Variants in RTTN observed in about 807,000 individuals in gnomAD.
The protein encoded by RTTN is rotatin.
RTTN carries 182 observed loss-of-function variants against 269.2 expected under a neutral mutation model. That is an observed-to-expected ratio of 0.68 (90% confidence interval 0.60 to 0.76). The LOEUF (loss-of-function observed/expected upper bound fraction) is 0.76. RTTN is among the 30% of genes least tolerant of loss of function. The pLI is 0.00. For missense variants in RTTN, 2,545 were observed against 2,608.6 expected, an observed-to-expected ratio of 0.98 and a Z score of 0.53; for synonymous variants, 1,006 against 963.5, an observed-to-expected ratio of 1.04 and a Z score of -0.82.
intron 40 of RTTN, among the ~76,000 whole-genome samples, chr18:70,039,428 C>T (rs976490658): frequency 6.7e-6 from 1 of 149,660 alleles, no homozygotes; most frequent in Non-Finnish European, 1.5e-5. Context: ...AGAAAAACAA[C>T]AAAAAAACTT....
chr18:70,122,278 G>A (rs754910244), intron 25 of RTTN, among the ~76,000 whole-genome samples: 4 of 151,940 alleles, frequency 2.6e-5, no homozygotes, highest in Non-Finnish European at 5.9e-5. Flanking sequence ...ACTGGTTTAA[G>A]AGAGCTAAAA....
intron 15 of RTTN, 117 bp downstream of exon 15, chr18:70,150,491 A>AC (rs2060507918): frequency 1.1e-6 from 1 of 925,350 alleles, no homozygotes; most frequent in East Asian, 2.5e-5. Context: ...CCAATGCACC[A>AC]AAGACAGGTT....
At chr18:70,119,538 C>G (rs538830892) in intron 26 of RTTN, among the ~76,000 whole-genome samples, 1 of 152,022 alleles carries the variant, frequency 6.6e-6, no homozygotes, top group African/African-American at 2.4e-5. Flanking sequence ...AGGAGACTAA[C>G]AACCCAATTG....
chr18:70,152,906 T>G (rs1473760979), intron 14 of RTTN, among the ~76,000 whole-genome samples: 1 of 152,174 alleles, frequency 6.6e-6, no homozygotes, highest in East Asian at 1.9e-4. Flanking sequence ...ATTCATAGCA[T>G]CTCACTGTAC....
At chr18:70,040,674 T>C (rs998975869) in intron 40 of RTTN, among the ~76,000 whole-genome samples, 2 of 152,234 alleles carry the variant, frequency 1.3e-5, no homozygotes, top group Non-Finnish European at 2.9e-5. Flanking sequence ...AGAATACACA[T>C]TCTTCTCCTC....
chr18:70,073,891 A>G lies in RTTN; in HGVS notation c.4653+15T>C. The stretch of plus-strand genomic sequence containing the variant: ...GAGATTCAAAATAAAGGACTTATGC[A>G]TTCTTTGCAAGTACCGTTGTTTCTG... On this transcript the variant is annotated intron_variant, in intron 34 of 48. Coordinates refer to ENST00000640769, the MANE Select transcript of RTTN (RefSeq NM_173630.4). 3 of 1,591,150 alleles carry G rather than the reference A, an allele frequency of 1.9e-6. No individual in the cohort carries two copies. The highest frequency in any genetic ancestry group is 2.6e-6 in the Non-Finnish European group (3 of 1,159,982).
intron 34 of RTTN, 63 bp from the exon 35 acceptor site, chr18:70,065,985 C>A: frequency 7.0e-6 from 8 of 1,140,560 alleles, no homozygotes; most frequent in Non-Finnish European, 8.7e-6. Context: ...ACACAGGCAA[C>A]ATACACACAA....
chr18:70,026,548 G>A (rs1380543285), intron 43 of RTTN, among the ~76,000 whole-genome samples: 5 of 152,152 alleles, frequency 3.3e-5, no homozygotes, highest in South Asian at 2.1e-4. Flanking sequence ...AGAAGCAGAC[G>A]CCACTGTGCT....
At chr18:70,089,227 T>C (rs1233518637) in intron 30 of RTTN, among the ~76,000 whole-genome samples, 1 of 152,164 alleles carries the variant, frequency 6.6e-6, no homozygotes, top group African/African-American at 2.4e-5. Context: ...TGATTACAGT[T>C]AAATGAGGTT....
chr18:70,172,342 G>A (rs1239920789), intron 11 of RTTN, among the ~76,000 whole-genome samples: 1 of 151,978 alleles, frequency 6.6e-6, no homozygotes, highest in Admixed American at 6.6e-5. Flanking sequence ...CTTGGTCAGT[G>A]GCAACTCAAA....
At chr18:70,135,441 A>C (rs1255839013) in intron 21 of RTTN, among the ~76,000 whole-genome samples, 161 bp from the exon 22 acceptor site, 2 of 152,194 alleles carry the variant, frequency 1.3e-5, no homozygotes, top group African/African-American at 2.4e-5. Flanking sequence ...TGGATGTACA[A>C]GAATCACCTG....
chr18:70,172,123 C>T (rs2061158704), intron 11 of RTTN, among the ~76,000 whole-genome samples: 1 of 152,154 alleles, frequency 6.6e-6, no homozygotes, highest in African/African-American at 2.4e-5. Flanking sequence ...AATGAAATTA[C>T]CTTCATTTGT....
At chr18:70,060,544 C>G (rs927344386) in intron 35 of RTTN, among the ~76,000 whole-genome samples, 41 of 152,020 alleles carry the variant, frequency 2.7e-4, no homozygotes, top group Non-Finnish European at 1.6e-4. Context: ...ATACTATGTG[C>G]AATGCTCAAA....
chr18:70,041,526 C>A (rs1407548071), intron 40 of RTTN, among the ~76,000 whole-genome samples: 1 of 152,026 alleles, frequency 6.6e-6, no homozygotes, highest in Non-Finnish European at 1.5e-5. Context: ...GTGCCCAAGG[C>A]TGAAGAAATT....
In RTTN at chr18:70,020,765, T is replaced by C. The variant is rs367823428; in HGVS notation, c.6003A>G (p.Thr2001=). 1.7e-4 allele frequency: 279 copies of C among 1,613,900 alleles called. No individual in the cohort carries two copies. Among genetic ancestry groups the C allele is most frequent in the Non-Finnish European group, 1.1e-4 (131 of 1,179,908 alleles). ...GAGAGTTGCTCACGGCTCCTCTATG[T>C]GTAGCTTGAACAGGGTGTTGTCCAC... ...SSCGQHPVQA[T]HRGAVSNSLM... Residue 2001 remains threonine, a synonymous_variant, in exon 45 of 49, where the codon ACA becomes ACG. Coordinates refer to ENST00000640769, the MANE Select transcript of RTTN (RefSeq NM_173630.4).
Position 70,114,427 on chromosome 18 carries a change from C to A in RTTN, c.3683+18G>T, listed in dbSNP as rs564702162. 6 of 1,604,788 alleles carry A rather than the reference C, an allele frequency of 3.7e-6. No individual in the cohort carries two copies. In the African/African-American group the frequency reaches 5.4e-5, roughly 14 times the overall value. On this transcript the variant is annotated intron_variant, in intron 27 of 48. Coordinates refer to ENST00000640769, the MANE Select transcript of RTTN (RefSeq NM_173630.4). The stretch of plus-strand genomic sequence containing the variant: ...TTCTATATAAATGCACCTAAACCTG[C>A]AATATTACAAATGGTACCTGTCAGT...
At chr18:70,035,044 A>T (rs1239159153) in intron 40 of RTTN, among the ~76,000 whole-genome samples, 1 of 152,224 alleles carries the variant, frequency 6.6e-6, no homozygotes, top group East Asian at 1.9e-4. Context: ...AATACAAAAC[A>T]CTGCTGAAAG....
chr18:70,184,721 T>C (rs1440239845), intron 10 of RTTN, among the ~76,000 whole-genome samples: 2 of 113,018 alleles, frequency 1.8e-5, no homozygotes, highest in African/African-American at 7.2e-5. Flanking sequence ...TTTTTTTGTG[T>C]GTGTGTGTGT....
intron 21 of RTTN, 97 bp from the exon 22 acceptor site, chr18:70,135,377 C>A: frequency 1.4e-6 from 1 of 700,306 alleles, no homozygotes; most frequent in Non-Finnish European, 2.3e-6. Flanking sequence ...AAAAGAAATG[C>A]AACATAAACC....
Sources: gnomAD v4.1 joint callset for allele counts (sites outside exome capture counted in the v4.1 genomes callset) on GRCh38, gnomAD v4.1.1 for gene constraint, MANE v1.5 for transcripts, NCBI Gene and HGNC (gene_info 2026-07-23, HGNC 2026-07-21) for gene names.